CDK5RAP2: variants seen among roughly 807,000 people sequenced by gnomAD.
CDK5RAP2 encodes CDK5 regulatory subunit-associated protein 2.
A neutral mutation model predicts 232.9 loss-of-function variants in CDK5RAP2; 147 were observed. The observed-to-expected ratio is 0.63, with a 90% CI of 0.55 to 0.72. CDK5RAP2 has a LOEUF of 0.72. Among genes scored for constraint, CDK5RAP2 ranks in the 30% least tolerant of loss-of-function variants. The probability of loss-of-function intolerance (pLI) is 0.00; values close to 1 mark genes in which losing one functional copy is unlikely to be tolerated. For missense variants in CDK5RAP2, 2,195 were observed against 2,231.5 expected (o/e 0.98, Z 0.33); for synonymous variants, 833 against 833.7 (o/e 1.00, Z 0.01).
At chr9:120,490,344 C>T (rs1262025447) in intron 13 of CDK5RAP2, among the ~76,000 whole-genome samples, 1 of 152,192 alleles carries the variant, frequency 6.6e-6, no homozygotes, top group African/African-American at 2.4e-5. Flanking sequence ...CACTTCCACT[C>T]CCTCCCTGTT....
At chr9:120,537,277 G>A (rs2041433337) in intron 6 of CDK5RAP2, among the ~76,000 whole-genome samples, 1 of 152,042 alleles carries the variant, frequency 6.6e-6, no homozygotes, top group Non-Finnish European at 1.5e-5. Context: ...ATAAAATAGG[G>A]ATAACCACCG....
At chr9:120,446,328 G>A (rs539967804) in intron 22 of CDK5RAP2, among the ~76,000 whole-genome samples, 1 of 152,210 alleles carries the variant, frequency 6.6e-6, no homozygotes, top group African/African-American at 2.4e-5. Context: ...GTGGGTTCAA[G>A]CAATTCCCCT....
chr9:120,429,428 G>A (rs1268526620), intron 25 of CDK5RAP2, among the ~76,000 whole-genome samples: 27 of 152,084 alleles, frequency 1.8e-4, no homozygotes, highest in South Asian at 4.2e-4. Context: ...ATACAAAATC[G>A]ATGTACAAAA....
At chr9:120,514,202 T>G (rs1245509217) in intron 12 of CDK5RAP2, among the ~76,000 whole-genome samples, 2 of 152,218 alleles carry the variant, frequency 1.3e-5, no homozygotes, top group African/African-American at 4.8e-5. Context: ...CACGATGAGA[T>G]GCCAGGAAGC....
intron 25 of CDK5RAP2, among the ~76,000 whole-genome samples, chr9:120,425,577 T>C (rs536243644): frequency 2.0e-4 from 31 of 152,318 alleles, no homozygotes; most frequent in African/African-American, 6.7e-4. Flanking sequence ...CAGACAAACT[T>C]ACAACTGGTT....
rs1387710559 is a variant in CDK5RAP2, at chr9:120,572,046, G to A, written c.60-5C>T. On this transcript the variant is annotated splice_polypyrimidine_tract_variant and splice_region_variant and intron_variant, in intron 1 of 37. Coordinates refer to ENST00000349780, the MANE Select transcript of CDK5RAP2 (RefSeq NM_018249.6). ...GGTACACTGGGAACAAGGCCACTAG[G>A]AGAGAACACATGAGATAAGAGATGA... 2.5e-6 allele frequency: 4 copies of A among 1,608,478 alleles called. No individual in the cohort carries two copies. Among genetic ancestry groups the A allele is most frequent in the South Asian group, 1.1e-5 (1 of 90,950 alleles).
rs1398062874 is a variant in CDK5RAP2, at chr9:120,394,501, C to T, written c.5578+11G>A. The T allele has an allele frequency of 5.0e-6, 8 of 1,613,890 alleles. No homozygotes were observed. The African/African-American group carries it at 1.1e-4, about 22-fold the overall frequency. On this transcript the variant is annotated intron_variant, in intron 36 of 37. Coordinates refer to ENST00000349780, the MANE Select transcript of CDK5RAP2 (RefSeq NM_018249.6). Reference sequence around the variant, plus strand: ...TGGTCAGGCATAGCGGCCACCCCCACACTCACTCACATTGATCAAAGATGA... The same window carrying T: ...TGGTCAGGCATAGCGGCCACCCCCATACTCACTCACATTGATCAAAGATGA...
intron 20 of CDK5RAP2, among the ~76,000 whole-genome samples, chr9:120,457,142 T>A (rs2036825500): frequency 1.3e-5 from 2 of 152,134 alleles, no homozygotes; most frequent in Admixed American, 1.3e-4. Flanking sequence ...AAAAACCCAT[T>A]TTACAGATGA....
In CDK5RAP2 at chr9:120,518,165, CTGTGTGTGTG is replaced by C. The variant is rs56032707; in HGVS notation, c.1311+252_1311+261del. 4.4e-3 allele frequency among the ~76,000 whole-genome samples: 493 copies of C among 111,224 alleles called. 3 individuals carry two copies. Among genetic ancestry groups the C allele is most frequent in the African/African-American group, 0.012 (372 of 30,424 alleles). 73.0% of individuals were successfully genotyped at this position (111,224 alleles called of 152,430 possible). On this transcript the variant is annotated intron_variant, in intron 12 of 37. Coordinates refer to ENST00000349780, the MANE Select transcript of CDK5RAP2 (RefSeq NM_018249.6). ...CTGTATTTTCAACTCGATAACAACT[CTGTGTGTGTG>C]TGTGTGTGTGTGTGTGTGTGTGTGT...
intron 25 of CDK5RAP2, among the ~76,000 whole-genome samples, chr9:120,430,495 A>G (rs2035215764): frequency 1.3e-5 from 2 of 151,342 alleles, no homozygotes; most frequent in East Asian, 1.9e-4. Flanking sequence ...TATGCAGCCA[A>G]AAGACACATG....
At chr9:120,415,947 A>G (rs1453621089) in intron 27 of CDK5RAP2, among the ~76,000 whole-genome samples, 1 of 152,222 alleles carries the variant, frequency 6.6e-6, no homozygotes, top group Non-Finnish European at 1.5e-5. Context: ...CATAGCTATT[A>G]AAATTATGTT....
intron 6 of CDK5RAP2, among the ~76,000 whole-genome samples, chr9:120,537,615 A>C (rs2041449154): frequency 6.6e-6 from 1 of 152,130 alleles, no homozygotes; most frequent in Admixed American, 6.5e-5. Context: ...GTCTGAAGCC[A>C]GACTACCTGA....
At chr9:120,488,532 CTT>C (rs2038730044) in intron 13 of CDK5RAP2, among the ~76,000 whole-genome samples, 2 of 152,192 alleles carry the variant, frequency 1.3e-5, no homozygotes, top group African/African-American at 4.8e-5. Flanking sequence ...ACTTGCAACT[CTT>C]TAGCTATTTC....
At position 120,419,922 on chromosome 9, in the gene CDK5RAP2, G is replaced by T. The variant is rs2034465197; in HGVS notation, c.4043C>A (p.Pro1348His). ...EDNLTYQHLLPESPEPSASHA... is the reference protein window; with the variant it reads ...EDNLTYQHLLHESPEPSASHA... ...AGAGGCTGAAGGCTCAGGAGATTCA[G>T]GCAGAAGATGTTGGTAGGTTAAGTT... is the stretch of plus-strand genomic sequence containing the variant. Residue 1348 changes from proline to histidine, a missense_variant, in exon 27 of 38, where the codon CCT becomes CAT. Physicochemically the swap from Pro to His is moderately conservative, Grantham distance 77 (BLOSUM62 -2). Coordinates refer to ENST00000349780, the MANE Select transcript of CDK5RAP2 (RefSeq NM_018249.6). The T allele has an allele frequency of 6.2e-7, 1 of 1,613,916 alleles. No homozygotes were observed.
rs1043047539 is a variant in CDK5RAP2 at position 120,458,566 on chromosome 9, C to T, written c.2259G>A (p.Glu753=). Residue 753 remains glutamate (E), a synonymous_variant, in exon 20 of 38, where the codon GAG becomes GAA. Coordinates refer to ENST00000349780, the MANE Select transcript of CDK5RAP2 (RefSeq NM_018249.6). ...GCKNGYLRHT[E]SKISDCDGAH... Reference sequence around the variant, plus strand: ...CCCCATCACAATCTGAAATCTTAGACTCCGTGTGCCTTAAGTATCCATTTT... The same window carrying T: ...CCCCATCACAATCTGAAATCTTAGATTCCGTGTGCCTTAAGTATCCATTTT... The T allele has an allele frequency of 5.6e-6, 9 of 1,614,048 alleles. No individual in the cohort carries two copies. Among genetic ancestry groups the T allele is most frequent in the Non-Finnish European group, 7.6e-6 (9 of 1,180,024 alleles).
chr9:120,501,334 C>T (rs1291089999), intron 12 of CDK5RAP2, among the ~76,000 whole-genome samples: 5 of 152,214 alleles, frequency 3.3e-5, no homozygotes, highest in African/African-American at 7.2e-5. Flanking sequence ...TGACCATCCA[C>T]CTTACTCTCC....
chr9:120,417,681 G>A (rs901662546), intron 27 of CDK5RAP2, among the ~76,000 whole-genome samples: 6 of 152,098 alleles, frequency 3.9e-5, no homozygotes, highest in Non-Finnish European at 5.9e-5. Flanking sequence ...CTGAAGAGAA[G>A]GAAACACTAT....
Position 120,439,936 on chromosome 9 carries a change from A to C in CDK5RAP2, c.3185T>G (p.Leu1062Trp). The C allele has an allele frequency of 6.2e-7, 1 of 1,614,176 alleles. No individual in the cohort carries two copies. Among genetic ancestry groups the C allele is most frequent in the Non-Finnish European group, 8.5e-7 (1 of 1,180,032 alleles). ...EICPPDDLASLPSCKENPEDV... is the reference protein window; with the variant it reads ...EICPPDDLASWPSCKENPEDV... ...TTCAGGATTTTCTTTGCATGATGGC[A>C]AGCTGGCAAGGTCATCAGGTGGGCA... Residue 1062 changes from leucine to tryptophan, a missense_variant, in exon 24 of 38, where the codon TTG becomes TGG. Leu to Trp is a moderately conservative substitution (Grantham distance 61). Coordinates refer to ENST00000349780, the MANE Select transcript of CDK5RAP2 (RefSeq NM_018249.6).
rs532279053 is a variant in CDK5RAP2, at chr9:120,513,616, C to G, written c.1311+4811G>C. ...AACTTCAGAACCAGTTCAAAAGTTACTTTCCCCAGGAGCCTGCTCTGGTCC... is the reference window on the plus strand; with the variant it reads ...AACTTCAGAACCAGTTCAAAAGTTAGTTTCCCCAGGAGCCTGCTCTGGTCC... On this transcript the variant is annotated intron_variant, in intron 12 of 37. Transcript: ENST00000349780. Among the ~76,000 whole-genome samples, 7 of 152,350 alleles carry G rather than the reference C, an allele frequency of 4.6e-5. No homozygotes were observed. In the South Asian group the frequency reaches 1.0e-3, roughly 23 times the overall value.
Sources: gnomAD v4.1 joint callset for allele counts (sites outside exome capture counted in the v4.1 genomes callset) on GRCh38, gnomAD v4.1.1 for gene constraint, MANE v1.5 for transcripts, NCBI Gene and HGNC (gene_info 2026-07-23, HGNC 2026-07-21) for gene names.